Variants in MAST4 observed in about 807,000 individuals in gnomAD.
MAST4 encodes microtubule-associated serine/threonine-protein kinase 4.
MAST4 carries 89 observed loss-of-function variants against 162.7 expected under a neutral mutation model. The ratio of observed to expected loss-of-function variants is 0.55; its 90% CI spans 0.46 to 0.65. MAST4 has a LOEUF of 0.65. Among genes scored for constraint, MAST4 ranks in the 30% least tolerant of loss-of-function variants. MAST4 has a pLI of 0.00. For missense variants in MAST4, 3,153 were observed against 3,374.0 expected, an observed-to-expected ratio of 0.93 and a Z score of 1.62; for synonymous variants, 1,479 against 1,361.1, an observed-to-expected ratio of 1.09 and a Z score of -1.91.
At chr5:67,009,069 T>C (rs1275147838) in intron 4 of MAST4, among the ~76,000 whole-genome samples, 1 of 152,176 alleles carries the variant, frequency 6.6e-6, no homozygotes, top group African/African-American at 2.4e-5. Flanking sequence ...AAGCACCTAT[T>C]GTGTACCTGG....
At position 66,652,039 on chromosome 5, in the gene MAST4, G is replaced by A. The variant is rs113806386; in HGVS notation, c.363+55021G>A. 2.0e-3 allele frequency among the ~76,000 whole-genome samples: 311 copies of A among 152,298 alleles called. 4 individuals carry two copies. The highest frequency in any genetic ancestry group is 5.6e-3 in the Admixed American group (85 of 15,290). On this transcript the variant is annotated intron_variant, in intron 1 of 28. Coordinates refer to ENST00000403625, the MANE Select transcript of MAST4 (RefSeq NM_001164664.2). The stretch of plus-strand genomic sequence containing the variant: ...GTCCAGCCCACATTTAAGGGGAGGG[G>A]ATTACCTAGGGACATCAATCTGAGG...
At chr5:67,161,323 G>T (rs1453323214) in intron 27 of MAST4, among the ~76,000 whole-genome samples, 2 of 151,144 alleles carry the variant, frequency 1.3e-5, no homozygotes, top group African/African-American at 4.8e-5. Context: ...TATTAACTCT[G>T]GGGGGAAAAA....
chr5:67,046,077 A>T (rs1757332647), intron 4 of MAST4, among the ~76,000 whole-genome samples: 1 of 152,144 alleles, frequency 6.6e-6, no homozygotes, highest in Admixed American at 6.5e-5. Context: ...AGTGTTCAGT[A>T]CAGTAACATG....
Position 67,163,711 on chromosome 5 carries a change from A to G in MAST4, c.4532A>G (p.Lys1511Arg), listed in dbSNP as rs755089440. 6.2e-7 allele frequency: 1 copy of G among 1,609,074 alleles called. No individual in the cohort carries two copies. The highest frequency in any genetic ancestry group is 1.1e-5 in the South Asian group (1 of 90,342). Residue 1511 changes from lysine (K) to arginine (R), a missense_variant, in exon 29 of 29, where the codon AAA (lysine) becomes AGA (arginine). Lys to Arg is a conservative substitution (Grantham distance 26). Around this residue, in one of 7 missense-constraint regions of MAST4, gnomAD observed 1,644 missense variants for 1,495.0 expected, o/e 1.10. Coordinates refer to ENST00000403625, the MANE Select transcript of MAST4 (RefSeq NM_001164664.2). The surrounding 1 kb of genome is among the most constrained non-coding windows in gnomAD (Gnocchi z 7.0). Reference protein sequence around the residue: ...RARPVEQGCLKRPVSRKVGRQ... With the variant: ...RARPVEQGCLRRPVSRKVGRQ... The stretch of plus-strand genomic sequence containing the variant: ...CGGCCAGTGGAGCAAGGCTGCCTGA[A>G]ACGCCCAGTCTCCCGGAAGGTGGGC...
intron 4 of MAST4, among the ~76,000 whole-genome samples, chr5:67,000,959 T>C (rs1389857715): frequency 6.6e-6 from 1 of 152,238 alleles, no homozygotes; most frequent in African/African-American, 2.4e-5. Context: ...AACCAATGGC[T>C]AACAATGTCA....
At chr5:67,078,911 A>AATAAATATATATATATAATATATATATAT (rs1227485756) in intron 5 of MAST4, among the ~76,000 whole-genome samples, 1 of 38,110 alleles carries the variant, frequency 2.6e-5, no homozygotes, top group African/African-American at 1.2e-4. Flanking sequence ...TTTTTATATA[A>AATAAATATATATATATAATATATATATAT]ATATATATAT....
intron 3 of MAST4, among the ~76,000 whole-genome samples, chr5:66,878,694 C>A (rs1761470336): frequency 6.6e-6 from 1 of 152,168 alleles, no homozygotes; most frequent in Non-Finnish European, 1.5e-5. Flanking sequence ...TCGTGATGTT[C>A]TTTTTACCTA....
intron 1 of MAST4, among the ~76,000 whole-genome samples, chr5:66,648,081 T>TGAGAGAGA (rs1186334483): frequency 5.9e-5 from 6 of 102,460 alleles, no homozygotes; most frequent in African/African-American, 2.7e-4. Flanking sequence ...TGTGTGTGTG[T>TGAGAGAGA]GTGAGAGAGA....
At chr5:67,138,587 C>G (rs1308577311) in intron 19 of MAST4, among the ~76,000 whole-genome samples, 2 of 152,172 alleles carry the variant, frequency 1.3e-5, no homozygotes, top group Non-Finnish European at 2.9e-5. Flanking sequence ...GAGCATGCCA[C>G]CACGCCTGGC....
intron 4 of MAST4, among the ~76,000 whole-genome samples, chr5:66,926,577 C>A (rs13155055): frequency 1.7e-5 from 2 of 117,486 alleles, no homozygotes; most frequent in Non-Finnish European, 4.2e-5. Flanking sequence ...TATATATATA[C>A]ACACACACAC....
chr5:66,624,599 CAAG>C (rs977312997), intron 1 of MAST4, among the ~76,000 whole-genome samples: 1 of 152,104 alleles, frequency 6.6e-6, no homozygotes. Context: ...CAATCTTGAG[CAAG>C]AAGAACAAAG....
chr5:66,617,045 T>C (rs1442514789), intron 1 of MAST4, among the ~76,000 whole-genome samples: 3 of 152,338 alleles, frequency 2.0e-5, no homozygotes, highest in Admixed American at 6.5e-5. Context: ...AAGGAGAACA[T>C]TAAATCTGTC....
intron 4 of MAST4, among the ~76,000 whole-genome samples, chr5:66,979,571 G>C (rs1055210167): frequency 1.3e-5 from 2 of 152,180 alleles, no homozygotes; most frequent in African/African-American, 4.8e-5. Flanking sequence ...AATGATCCTT[G>C]GTTGTGGGGC....
At chr5:66,975,106 G>T (rs1244058749) in intron 4 of MAST4, among the ~76,000 whole-genome samples, 4 of 152,094 alleles carry the variant, frequency 2.6e-5, no homozygotes, top group Non-Finnish European at 5.9e-5. Context: ...TTGTGAGAGA[G>T]GCCAAGGGGG....
intron 3 of MAST4, among the ~76,000 whole-genome samples, chr5:66,819,951 G>T (rs1055995927): frequency 3.0e-4 from 40 of 133,576 alleles, no homozygotes; most frequent in Non-Finnish European, 9.7e-5. Context: ...TTTTTGTGGG[G>T]TTTTTTCTTT....
chr5:66,903,646 G>T (rs456373), intron 4 of MAST4, among the ~76,000 whole-genome samples: 52,822 of 151,964 alleles, frequency 0.35, 10,170 homozygotes, highest in Non-Finnish European at 0.45. Flanking sequence ...TCAAGCCAGG[G>T]GATGAAGCAA....
At chr5:66,905,717 G>A (rs1763315780) in intron 4 of MAST4, among the ~76,000 whole-genome samples, 1 of 152,120 alleles carries the variant, frequency 6.6e-6, no homozygotes, top group Admixed American at 6.6e-5. Flanking sequence ...ATTATGCATT[G>A]GTTTGGTCTG....
chr5:67,129,682 C>T (rs1186999196), intron 14 of MAST4, among the ~76,000 whole-genome samples: 1 of 151,446 alleles, frequency 6.6e-6, no homozygotes, highest in Non-Finnish European at 1.5e-5. Flanking sequence ...TGAGATCATG[C>T]CACTGCACTC....
chr5:67,030,419 A>G (rs993951874), intron 4 of MAST4, among the ~76,000 whole-genome samples: 4 of 152,166 alleles, frequency 2.6e-5, no homozygotes, highest in Middle Eastern at 3.2e-3. Flanking sequence ...CTGTGGTAAA[A>G]TGACATAATC....
Sources: gnomAD v4.1 joint callset for allele counts (sites outside exome capture counted in the v4.1 genomes callset) on GRCh38, gnomAD v4.1.1 for gene constraint, gnomAD v4.1.1 regional missense constraint, Gnocchi (gnomAD v3.1) non-coding constraint, MANE v1.5 for transcripts, NCBI Gene and HGNC (gene_info 2026-07-23, HGNC 2026-07-21) for gene names.